The following SEMA5A variants were observed in gnomAD, a reference collection of about 807,000 sequenced individuals.
The protein encoded by SEMA5A is semaphorin-5A.
SEMA5A carries 55 observed loss-of-function variants against 135.5 expected under a neutral mutation model. That is an observed-to-expected ratio of 0.41 (90% CI 0.33 to 0.51). The LOEUF (loss-of-function observed/expected upper bound fraction) is 0.51, where lower values mean the gene tolerates loss of function less well. Ranked by LOEUF, SEMA5A falls within the 20% of genes least tolerant of loss-of-function variation. SEMA5A has a pLI of 0.37. For missense variants in SEMA5A, 1,290 were observed against 1,419.9 expected, an observed-to-expected ratio of 0.91 and a Z score of 1.47; for synonymous variants, 580 against 546.5, an observed-to-expected ratio of 1.06 and a Z score of -0.85.
intron 4 of SEMA5A, among the ~76,000 whole-genome samples, chr5:9,324,270 G>A (rs138357926): frequency 0.019 from 2,895 of 151,064 alleles, 86 homozygotes; most frequent in African/African-American, 0.067. Flanking sequence ...GGGTTTCACC[G>A]TGTTAGCCAG....
chr5:9,474,981 A>G (rs1422627392), intron 1 of SEMA5A, among the ~76,000 whole-genome samples: 1 of 152,248 alleles, frequency 6.6e-6, no homozygotes, highest in African/African-American at 2.4e-5. Context: ...CCTCACTGTC[A>G]CCCAGGCTGG....
intron 3 of SEMA5A, among the ~76,000 whole-genome samples, chr5:9,352,290 T>A (rs959891272): frequency 1.3e-5 from 2 of 152,188 alleles, no homozygotes; most frequent in Non-Finnish European, 2.9e-5. Flanking sequence ...ACTACCAATC[T>A]GATATATCTT....
intron 5 of SEMA5A, among the ~76,000 whole-genome samples, chr5:9,310,437 T>C (rs1752073822): frequency 6.6e-6 from 1 of 152,028 alleles, no homozygotes; most frequent in Non-Finnish European, 1.5e-5. Flanking sequence ...AATAAGAACA[T>C]ATGACAAAGA....
chr5:9,453,704 A>G (rs1467362771), intron 1 of SEMA5A, among the ~76,000 whole-genome samples: 3 of 152,296 alleles, frequency 2.0e-5, no homozygotes, highest in Middle Eastern at 6.8e-3. Context: ...ACCAAACCCT[A>G]TATTTCCCCT....
intron 1 of SEMA5A, among the ~76,000 whole-genome samples, chr5:9,526,366 C>G (rs2126882779): frequency 1.3e-5 from 2 of 152,300 alleles, no homozygotes; most frequent in Non-Finnish European, 2.9e-5. Context: ...ATCAACCTGA[C>G]ATTAAATGTA....
intron 1 of SEMA5A, among the ~76,000 whole-genome samples, chr5:9,527,385 T>C (rs1737194678): frequency 3.9e-5 from 6 of 152,198 alleles, no homozygotes. Flanking sequence ...CTTCTCTTTC[T>C]TTTTTCCTAC....
At chr5:9,259,673 A>C (rs933310104) in intron 5 of SEMA5A, among the ~76,000 whole-genome samples, 60 of 150,456 alleles carry the variant, frequency 4.0e-4, no homozygotes, top group African/African-American at 1.4e-3. Context: ...AGGCAGAAAT[A>C]AAGATGTTCT....
At position 9,267,332 on chromosome 5, in the gene SEMA5A, G is replaced by A. The variant is rs900889009; in HGVS notation, c.271-29442C>T. Among the ~76,000 whole-genome samples, 7 of 152,050 alleles carry A rather than the reference G, an allele frequency of 4.6e-5. No individual in the cohort carries two copies. In the East Asian group the frequency reaches 7.7e-4, roughly 17 times the overall value. ...ATATCGCGCTATCAAGCTGTTGCCCGATCCACTTGAAAACTCTGCTGAGCT... is the reference window on the plus strand; with the variant it reads ...ATATCGCGCTATCAAGCTGTTGCCCAATCCACTTGAAAACTCTGCTGAGCT... On this transcript the variant is annotated intron_variant, in intron 5 of 22. Transcript: ENST00000382496.
intron 2 of SEMA5A, among the ~76,000 whole-genome samples, chr5:9,400,834 A>G (rs1482962437): frequency 1.3e-5 from 2 of 152,168 alleles, no homozygotes; most frequent in African/African-American, 4.8e-5. Context: ...TCATGAAGAA[A>G]TCAACTCTAC....
At chr5:9,126,875 G>C (rs959980) in intron 13 of SEMA5A, among the ~76,000 whole-genome samples, 4,863 of 152,284 alleles carry the variant, frequency 0.032, 276 homozygotes, top group African/African-American at 0.11. Context: ...GGGTGAGTTA[G>C]AGAAGTTATA....
At chr5:9,149,276 T>C (rs1404436485) in intron 12 of SEMA5A, among the ~76,000 whole-genome samples, 1 of 152,198 alleles carries the variant, frequency 6.6e-6, no homozygotes, top group East Asian at 1.9e-4. Context: ...CAAGTGTTTC[T>C]CTCTGGCCCT....
At chr5:9,469,701 CATG>C (rs1759404645) in intron 1 of SEMA5A, among the ~76,000 whole-genome samples, 1 of 152,146 alleles carries the variant, frequency 6.6e-6, no homozygotes, top group Non-Finnish European at 1.5e-5. Context: ...TGTTTTTGTT[CATG>C]ATTTTTTTTA....
intron 5 of SEMA5A, among the ~76,000 whole-genome samples, chr5:9,281,600 T>C (rs1410119984): frequency 6.6e-6 from 1 of 152,210 alleles, no homozygotes; most frequent in African/African-American, 2.4e-5. Flanking sequence ...TGATTATCTC[T>C]TGACTTATGG....
In SEMA5A at chr5:9,483,058, G is replaced by A. The variant is rs1207397665; in HGVS notation, c.-174-45206C>T. ...GGTAAATATTGCATTAAATTGCCAT[G>A]CCAATAATTGAGATTCAGAAGCACT... On this transcript the variant is annotated intron_variant, in intron 1 of 22. Coordinates refer to ENST00000382496, the MANE Select transcript of SEMA5A (RefSeq NM_003966.3). 5.3e-5 allele frequency among the ~76,000 whole-genome samples: 8 copies of A among 152,270 alleles called. No individual in the cohort carries two copies. In the East Asian group the frequency reaches 1.3e-3, roughly 26 times the overall value.
chr5:9,139,012 G>A (rs573676084), intron 12 of SEMA5A, among the ~76,000 whole-genome samples: 2 of 152,256 alleles, frequency 1.3e-5, no homozygotes, highest in African/African-American at 4.8e-5. Flanking sequence ...GGGCATTTGG[G>A]TTGGTCCCAC....
chr5:9,136,149 G>T (rs1741728995), intron 13 of SEMA5A, among the ~76,000 whole-genome samples: 1 of 152,132 alleles, frequency 6.6e-6, no homozygotes, highest in South Asian at 2.1e-4. Flanking sequence ...AAAGAAATTT[G>T]TGGGTGTGGA....
chr5:9,233,883 T>A (rs1023642589), intron 6 of SEMA5A, among the ~76,000 whole-genome samples: 1 of 152,052 alleles, frequency 6.6e-6, no homozygotes, highest in South Asian at 2.1e-4. Flanking sequence ...AAATGCATTA[T>A]GTGCAGAAGC....
intron 1 of SEMA5A, among the ~76,000 whole-genome samples, chr5:9,471,152 CAGG>C (rs1236588018): frequency 3.3e-5 from 5 of 152,064 alleles, no homozygotes; most frequent in African/African-American, 1.2e-4. Flanking sequence ...ATTTAGGAAC[CAGG>C]AGAACCCAAT....
intron 1 of SEMA5A, among the ~76,000 whole-genome samples, chr5:9,448,371 CTG>C (rs1442253869): frequency 6.6e-6 from 1 of 152,204 alleles, no homozygotes; most frequent in Non-Finnish European, 1.5e-5. Context: ...TTTGACAAAA[CTG>C]TGTTTCATTA....
Sources: gnomAD v4.1 joint callset for allele counts (sites outside exome capture counted in the v4.1 genomes callset) on GRCh38, gnomAD v4.1.1 for gene constraint, MANE v1.5 for transcripts, NCBI Gene and HGNC (gene_info 2026-07-23, HGNC 2026-07-21) for gene names.